Variants in CTPS2 observed in about 807,000 individuals in gnomAD.
CTPS2 encodes the protein CTP synthase II.
A neutral mutation model predicts 46.8 loss-of-function variants in CTPS2; 19 were observed. That is an observed-to-expected ratio of 0.41 (90% confidence interval 0.28 to 0.60). The LOEUF (loss-of-function observed/expected upper bound fraction) is 0.60, where lower values mean the gene tolerates loss of function less well. Ranked by LOEUF, CTPS2 falls within the 20% of genes least tolerant of loss-of-function variation. CTPS2 has a pLI of 0.35. For missense variants in CTPS2, 286 were observed against 447.6 expected, an observed-to-expected ratio of 0.64 and a Z score of 3.26; for synonymous variants, 151 against 165.2, an observed-to-expected ratio of 0.91 and a Z score of 0.66.
intron 13 of CTPS2, among the ~76,000 whole-genome samples, chrX:16,657,024 C>T (rs898649824): frequency 9.1e-6 from 1 of 110,045 alleles, no homozygotes. Flanking sequence ...GCTGGGACTA[C>T]AGGCATGTGC....
intron 17 of CTPS2, among the ~76,000 whole-genome samples, chrX:16,602,403 C>T (rs1478452225): frequency 9.0e-6 from 1 of 110,564 alleles, no homozygotes; most frequent in Non-Finnish European, 1.9e-5. Context: ...GGAAGTGGGC[C>T]CACAGCTTTG....
At chrX:16,615,483 G>A (rs1358535251) in intron 16 of CTPS2, among the ~76,000 whole-genome samples, 1 of 111,939 alleles carries the variant, frequency 8.9e-6, no homozygotes, top group Non-Finnish European at 1.9e-5. Context: ...TCACTGTGAT[G>A]TTTCCCCCGC....
At chrX:16,633,112 C>G (rs1224781085) in intron 14 of CTPS2, among the ~76,000 whole-genome samples, 1 of 93,190 alleles carries the variant, frequency 1.1e-5, no homozygotes, top group African/African-American at 4.1e-5. Flanking sequence ...GAGACAGGGT[C>G]TCACTCTATT....
intron 13 of CTPS2, among the ~76,000 whole-genome samples, chrX:16,639,827 AAG>A (rs1351335168): frequency 2.7e-5 from 3 of 109,202 alleles, no homozygotes; most frequent in East Asian, 2.9e-4. Flanking sequence ...GAAAGAAAGA[AAG>A]AAGAAAAGAA....
At chrX:16,623,430 C>T (rs1930943656) in intron 14 of CTPS2, among the ~76,000 whole-genome samples, 1 of 111,506 alleles carries the variant, frequency 9.0e-6, no homozygotes, top group African/African-American at 3.3e-5. Context: ...CCTTCCCAGC[C>T]CCTGGCAACC....
At chrX:16,678,862 G>A (rs1922494180) in intron 9 of CTPS2, among the ~76,000 whole-genome samples, 1 of 109,156 alleles carries the variant, frequency 9.2e-6, no homozygotes, top group Admixed American at 1.0e-4. Context: ...GTGAGACACT[G>A]TCTCAAAAAA....
intron 13 of CTPS2, chrX:16,651,194 GGAGGGAGGGGAGA>G: frequency 2.1e-6 from 2 of 967,092 alleles, no homozygotes; most frequent in Non-Finnish European, 2.9e-6. Context: ...GGGAGGGGAG[GGAGGGAGGGGAGA>G]GGACTCCGGT....
chrX:16,661,256 G>A (rs777269299), intron 13 of CTPS2, among the ~76,000 whole-genome samples: 27 of 112,241 alleles, frequency 2.4e-4, no homozygotes, highest in South Asian at 7.4e-4. Flanking sequence ...CACCACACCC[G>A]GCCTATAGCT....
chrX:16,696,894 C>CCAAA (rs149578192), intron 4 of CTPS2, among the ~76,000 whole-genome samples: 59,775 of 108,849 alleles, frequency 0.55, 13,676 homozygotes, highest in African/African-American at 0.86. Context: ...CATTTAATCC[C>CCAAA]CAATCCTGTT....
intron 8 of CTPS2, among the ~76,000 whole-genome samples, chrX:16,683,889 CAA>C (rs1485424991): frequency 4.5e-5 from 5 of 111,825 alleles, no homozygotes; most frequent in African/African-American, 6.5e-5. Flanking sequence ...AGCTGACCCA[CAA>C]AAGTCTGGTT....
At chrX:16,609,197 TGAA>T (rs1930139687) in intron 17 of CTPS2, among the ~76,000 whole-genome samples, 1 of 109,908 alleles carries the variant, frequency 9.1e-6, no homozygotes, top group South Asian at 3.9e-4. Context: ...AATACCAAAA[TGAA>T]GAAAAGATAT....
intron 14 of CTPS2, among the ~76,000 whole-genome samples, chrX:16,630,711 A>G (rs1159037902): frequency 3.3e-4 from 37 of 111,578 alleles, no homozygotes; most frequent in Non-Finnish European, 1.9e-5. Flanking sequence ...CCCTGCTTCT[A>G]AGGGTAAGTG....
chrX:16,696,900 CTGT>C (rs1024622940), intron 4 of CTPS2, among the ~76,000 whole-genome samples: 5 of 93,428 alleles, frequency 5.4e-5, no homozygotes, highest in Admixed American at 3.6e-4. Flanking sequence ...ATCCCCAATC[CTGT>C]TATTATCTTA....
At chrX:16,630,434 A>G (rs946271167) in intron 14 of CTPS2, among the ~76,000 whole-genome samples, 1 of 109,081 alleles carries the variant, frequency 9.2e-6, no homozygotes, top group African/African-American at 3.3e-5. Flanking sequence ...TTGTATTTTT[A>G]GTAGAGATGG....
At chrX:16,696,787 T>C (rs1469789576) in intron 4 of CTPS2, among the ~76,000 whole-genome samples, 1 of 111,611 alleles carries the variant, frequency 9.0e-6, no homozygotes, top group East Asian at 2.8e-4. Flanking sequence ...TATCATGATA[T>C]CTGCTAACAC....
intron 9 of CTPS2, 42 bp from the exon 10 acceptor site, chrX:16,678,492 TAAACACTCA>T: frequency 1.2e-6 from 1 of 854,356 alleles, no homozygotes; most frequent in Non-Finnish European, 1.7e-6. Flanking sequence ...TTAAGAAAAA[TAAACACTCA>T]AAAATACTGC....
At chrX:16,684,522 A>AT (rs1923006193) in intron 8 of CTPS2, among the ~76,000 whole-genome samples, 2 of 108,358 alleles carry the variant, frequency 1.8e-5, no homozygotes, top group Middle Eastern at 4.7e-3. Flanking sequence ...AAAAAAAAAA[A>AT]AAAAAACAAA....
intron 2 of CTPS2, among the ~76,000 whole-genome samples, chrX:16,699,894 A>G (rs1924416135): frequency 9.1e-6 from 1 of 109,427 alleles, no homozygotes; most frequent in Admixed American, 1.0e-4. Context: ...TTTAAGGAAA[A>G]AAGCAAATTG....
chrX:16,645,103 C>A (rs1932252142), intron 13 of CTPS2, among the ~76,000 whole-genome samples: 1 of 111,416 alleles, frequency 9.0e-6, no homozygotes, highest in Non-Finnish European at 1.9e-5. Flanking sequence ...CTGCCTCAGC[C>A]TCCTGAGTAG....
Sources: allele counts gnomAD v4.1 joint callset (sites outside exome capture counted in the v4.1 genomes callset), GRCh38; gene constraint gnomAD v4.1.1; transcripts MANE v1.5; gene names NCBI Gene and HGNC (gene_info 2026-07-23, HGNC 2026-07-21).